Variants in YWHAZ observed in about 807,000 individuals in gnomAD.
YWHAZ encodes the protein 14-3-3 protein zeta/delta.
For missense variants in YWHAZ, 79 were observed against 284.8 expected (o/e 0.28, Z 5.20); for synonymous variants, 87 against 103.6 (o/e 0.84, Z 0.97).
At position 100,940,019 on chromosome 8, in the gene YWHAZ, CGCCACTGCACTCCA is replaced by C. The variant is rs1199633720; in HGVS notation, c.294+8563_294+8576del. ...GCCTGGGGGACAGAGCGAGACTCCG[CGCCACTGCACTCCA>C]GCCTGGGGGACAGAGCGAGACTCCG... On this transcript the variant is annotated intron_variant, in intron 2 of 5. Coordinates refer to ENST00000395958, the MANE Select transcript of YWHAZ (RefSeq NM_145690.3). Among the ~76,000 whole-genome samples, 4 of 148,010 alleles carry C rather than the reference CGCCACTGCACTCCA, an allele frequency of 2.7e-5. No individual in the cohort carries two copies. The Admixed American group carries it at 2.7e-4, about 10-fold the overall frequency.
chr8:100,924,797 T>C lies in YWHAZ; in HGVS notation c.418+119A>G. 7.7e-7 allele frequency: 1 copy of C among 1,292,154 alleles called. No homozygotes were observed. Among genetic ancestry groups the C allele is most frequent in the Non-Finnish European group, 1.1e-6 (1 of 929,946 alleles). The allele number at this position is 1,292,154 out of a possible 1,614,324, so 80.0% of individuals were successfully genotyped here. A position where few individuals can be genotyped will look rare whatever the true frequency, so the allele number is the denominator to read the frequency against. ...TGTATTCTCAGAACACAAAGAGCACTGCTACTCCTTATTCGGCACTCTAAG... is the reference window on the plus strand; with the variant it reads ...TGTATTCTCAGAACACAAAGAGCACCGCTACTCCTTATTCGGCACTCTAAG... On this transcript the variant is annotated intron_variant, in intron 3 of 5. Coordinates refer to ENST00000395958, the MANE Select transcript of YWHAZ (RefSeq NM_145690.3). This position sits in a 1 kb window ranked among gnomAD's most constrained non-coding sequence, Gnocchi z 5.7.
intron 2 of YWHAZ, among the ~76,000 whole-genome samples, chr8:100,943,024 T>C (rs1047228949): frequency 6.6e-6 from 1 of 152,206 alleles, no homozygotes; most frequent in Non-Finnish European, 1.5e-5. Flanking sequence ...ATGTAAAGGA[T>C]AGGGAACCAA....
intron 1 of YWHAZ, among the ~76,000 whole-genome samples, chr8:100,949,884 A>G (rs1376306290): frequency 1.3e-5 from 2 of 152,212 alleles, no homozygotes; most frequent in East Asian, 3.8e-4. Context: ...CCCTTTTGCA[A>G]GTTGCCGAAC....
intron 1 of YWHAZ, among the ~76,000 whole-genome samples, chr8:100,949,382 C>T (rs1810536845): frequency 6.6e-6 from 1 of 151,702 alleles, no homozygotes; most frequent in African/African-American, 2.4e-5. Context: ...TTTTTACTTT[C>T]ATAATACTCT....
At chr8:100,940,213 C>T (rs1385545919) in intron 2 of YWHAZ, among the ~76,000 whole-genome samples, 1 of 152,218 alleles carries the variant, frequency 6.6e-6, no homozygotes, top group Non-Finnish European at 1.5e-5. Context: ...TAGGCCTGCG[C>T]TGAAGTTTCT....
upstream of YWHAZ, chr8:100,952,741 G>T: frequency 1.0e-6 from 1 of 973,570 alleles, no homozygotes; most frequent in South Asian, 4.8e-5. Context: ...GCAAGGGAGG[G>T]TTGTGTGTGG....
At chr8:100,951,610 G>T (rs944338697) in intron 1 of YWHAZ, 33 of 985,128 alleles carry the variant, frequency 3.3e-5, no homozygotes, top group South Asian at 4.7e-5. Context: ...CCACCTTCGG[G>T]AGCCGGCGAC....
intron 2 of YWHAZ, among the ~76,000 whole-genome samples, chr8:100,938,144 A>AC (rs1002204259): frequency 8.5e-5 from 13 of 152,108 alleles, no homozygotes; most frequent in African/African-American, 3.1e-4. Flanking sequence ...CAACAAAAAA[A>AC]CCCCACTGTT....
chr8:100,937,640 T>G (rs563097615), intron 2 of YWHAZ, among the ~76,000 whole-genome samples: 34 of 152,332 alleles, frequency 2.2e-4, no homozygotes, highest in African/African-American at 7.9e-4. Flanking sequence ...CCATAACCCA[T>G]TCTTCTGTTT....
intron 2 of YWHAZ, among the ~76,000 whole-genome samples, chr8:100,937,061 A>AT (rs1282614456): frequency 1.3e-5 from 2 of 152,340 alleles, no homozygotes; most frequent in East Asian, 3.9e-4. Context: ...TATAGGTTAC[A>AT]TAATAGTTTA....
chr8:100,931,352 T>C (rs1412830453), intron 2 of YWHAZ, among the ~76,000 whole-genome samples: 1 of 152,230 alleles, frequency 6.6e-6, no homozygotes, highest in Non-Finnish European at 1.5e-5. Context: ...CTCCTGCCTG[T>C]AGTCAAATAT....
intron 2 of YWHAZ, among the ~76,000 whole-genome samples, chr8:100,941,695 G>A (rs1809870235): frequency 6.6e-6 from 1 of 151,920 alleles, no homozygotes; most frequent in African/African-American, 2.4e-5. Context: ...TGAGGAGGGA[G>A]AATCGCTTGA....
chr8:100,950,606 C>A (rs1036735607), intron 1 of YWHAZ: 32 of 985,760 alleles, frequency 3.2e-5, no homozygotes, highest in South Asian at 4.7e-5. Flanking sequence ...GTTAATTCCT[C>A]CCCCCGACCG....
rs1275723794 is a variant in YWHAZ, at chr8:100,917,007, T to TA, written c.*3685dup. On this transcript the variant is annotated 3_prime_UTR_variant, in exon 6 of 6. Coordinates refer to ENST00000395958, the MANE Select transcript of YWHAZ (RefSeq NM_145690.3). ...ATTTCCTATATGGTAAATGAGAGAATACAATCAAGCCAAATTTATTTCTTG... is the reference window on the plus strand; with the variant it reads ...ATTTCCTATATGGTAAATGAGAGAATAACAATCAAGCCAAATTTATTTCTTG... The TA allele has an allele frequency of 1.3e-5, 2 of 152,336 alleles. No individual in the cohort carries two copies. Among genetic ancestry groups the TA allele is most frequent in the South Asian group, 2.1e-4 (1 of 4,822 alleles). The allele number at this position is 152,336 out of a possible 1,614,324, so 9.4% of individuals were successfully genotyped here.
chr8:100,931,192 A>C (rs1170980536), intron 2 of YWHAZ, among the ~76,000 whole-genome samples: 1 of 152,232 alleles, frequency 6.6e-6, no homozygotes, highest in Non-Finnish European at 1.5e-5. Context: ...CCTTAATCCA[A>C]AGATAGTCTA....
At chr8:100,927,258 C>T (rs1468991366) in intron 2 of YWHAZ, among the ~76,000 whole-genome samples, 3 of 152,194 alleles carry the variant, frequency 2.0e-5, no homozygotes, top group Non-Finnish European at 4.4e-5. Flanking sequence ...CACGGTGGCT[C>T]ACTCCTGTAA....
Position 100,917,432 on chromosome 8 carries a change from A to T in YWHAZ, c.*3261T>A, listed in dbSNP as rs1456468055. On this transcript the variant is annotated 3_prime_UTR_variant, in exon 6 of 6. Coordinates refer to ENST00000395958, the MANE Select transcript of YWHAZ (RefSeq NM_145690.3). ...CTTAAGTGGCCAATTTAAAAAAAAC[A>T]TACCAGGGTGGGCACAGTGGCTCAC... is the stretch of plus-strand genomic sequence containing the variant. The T allele has an allele frequency of 1.0e-5, 1 of 99,492 alleles. No homozygotes were observed. The highest frequency in any genetic ancestry group is 2.4e-4 in the East Asian group (1 of 4,162). 6.2% of individuals were successfully genotyped at this position (99,492 alleles called of 1,614,324 possible). A position where few individuals can be genotyped will look rare whatever the true frequency, so the allele number is the denominator to read the frequency against.
chr8:100,920,806 G>A, intron 5 of YWHAZ, 54 bp from the exon 6 acceptor site: 1 of 555,944 alleles, frequency 1.8e-6, no homozygotes, highest in Non-Finnish European at 3.2e-6. Flanking sequence ...GGGGGGGGGG[G>A]GGCGTTTTCA....
Position 100,924,330 on chromosome 8 carries a change from A to G in YWHAZ, c.419-32T>C, listed in dbSNP as rs753978138. 5.0e-6 allele frequency: 8 copies of G among 1,596,798 alleles called. No individual in the cohort carries two copies. The highest frequency in any genetic ancestry group is 1.1e-5 in the South Asian group (1 of 88,492). ...AAGACACACCAAAACGTACTGAGAT[A>G]AAGTGTGCATTATATCTTCACCCCT... On this transcript the variant is annotated intron_variant, in intron 3 of 5. Coordinates refer to ENST00000395958, the MANE Select transcript of YWHAZ (RefSeq NM_145690.3). This position sits in a 1 kb window ranked among gnomAD's most constrained non-coding sequence, Gnocchi z 5.7.
Sources: gnomAD v4.1 joint callset for allele counts (sites outside exome capture counted in the v4.1 genomes callset) on GRCh38, gnomAD v4.1.1 for gene constraint, Gnocchi (gnomAD v3.1) non-coding constraint, MANE v1.5 for transcripts, NCBI Gene and HGNC (gene_info 2026-07-23, HGNC 2026-07-21) for gene names.